Variants in CCDC85A observed in about 807,000 individuals in gnomAD.
CCDC85A encodes the protein coiled-coil domain-containing protein 85A.
A neutral mutation model predicts 50.2 loss-of-function variants in CCDC85A; 38 were observed. That is an observed-to-expected ratio of 0.76 (90% CI 0.58 to 0.99). CCDC85A has a LOEUF of 0.99. Ranked by LOEUF, CCDC85A falls within the 50% of genes least tolerant of loss-of-function variation. CCDC85A has a pLI of 0.00. For missense variants in CCDC85A, 820 were observed against 742.0 expected, an observed-to-expected ratio of 1.11 and a Z score of -1.22; for synonymous variants, 366 against 301.4, an observed-to-expected ratio of 1.21 and a Z score of -2.22.
chr2:56,358,741 A>G (rs1048465414), intron 3 of CCDC85A, among the ~76,000 whole-genome samples: 3 of 151,930 alleles, frequency 2.0e-5, no homozygotes, highest in Non-Finnish European at 4.4e-5. Context: ...AAAATAATTT[A>G]TTCATCCATG....
intron 3 of CCDC85A, among the ~76,000 whole-genome samples, chr2:56,360,141 AAAAAT>A (rs1185166306): frequency 1.3e-5 from 2 of 152,242 alleles, no homozygotes; most frequent in Non-Finnish European, 2.9e-5. Context: ...TTGGTCAATT[AAAAAT>A]AAAATAAACT....
chr2:56,355,865 G>C (rs1025242600), intron 3 of CCDC85A, among the ~76,000 whole-genome samples: 12 of 152,160 alleles, frequency 7.9e-5, no homozygotes, highest in Non-Finnish European at 1.3e-4. Flanking sequence ...TGCAAGGCAG[G>C]AGTTCTAATA....
chr2:56,308,884 A>G (rs1030884520), intron 2 of CCDC85A, among the ~76,000 whole-genome samples: 1 of 152,104 alleles, frequency 6.6e-6, no homozygotes, highest in African/African-American at 2.4e-5. Context: ...GGATGAAGAG[A>G]AGAGAAGGTG....
intron 2 of CCDC85A, among the ~76,000 whole-genome samples, chr2:56,218,031 A>ACCTTGTCT (rs1300908879): frequency 6.6e-6 from 1 of 151,882 alleles, no homozygotes; most frequent in East Asian, 1.9e-4. Flanking sequence ...GACATATGGT[A>ACCTTGTCT]CCTTGTCTGA....
chr2:56,275,536 C>CT (rs1004282296), intron 2 of CCDC85A, among the ~76,000 whole-genome samples: 1 of 152,096 alleles, frequency 6.6e-6, no homozygotes, highest in Admixed American at 6.5e-5. Context: ...TAAATTTTCA[C>CT]TTTTTCGCTG....
At chr2:56,340,042 A>T (rs1055971056) in intron 2 of CCDC85A, among the ~76,000 whole-genome samples, 1 of 152,134 alleles carries the variant, frequency 6.6e-6, no homozygotes, top group Non-Finnish European at 1.5e-5. Context: ...CTCAAAGCTA[A>T]TTGTCTCCAA....
Position 56,342,968 on chromosome 2 carries a change from C to T in CCDC85A, c.1317+13C>T, listed in dbSNP as rs1383095232. The T allele has an allele frequency of 6.4e-7, 1 of 1,571,774 alleles. No homozygotes were observed. Among genetic ancestry groups the T allele is most frequent in the Admixed American group, 1.8e-5 (1 of 55,584 alleles). ...CATGCTGCCCCAGGTGGGTGACTTC[C>T]AGAAGCTCATAGCTAGTCAGTGCCA... On this transcript the variant is annotated intron_variant, in intron 3 of 5. Transcript: ENST00000407595.
chr2:56,272,365 G>A (rs894607276), intron 2 of CCDC85A, among the ~76,000 whole-genome samples: 3 of 152,104 alleles, frequency 2.0e-5, no homozygotes, highest in East Asian at 1.9e-4. Context: ...AACTCCTAAC[G>A]GTCTTATAAG....
intron 2 of CCDC85A, among the ~76,000 whole-genome samples, chr2:56,264,450 A>C (rs1054685490): frequency 6.6e-6 from 1 of 152,108 alleles, no homozygotes; most frequent in African/African-American, 2.4e-5. Context: ...CATCTTGTCT[A>C]TTTCATACCC....
At chr2:56,311,305 T>G (rs1167662480) in intron 2 of CCDC85A, among the ~76,000 whole-genome samples, 1 of 152,128 alleles carries the variant, frequency 6.6e-6, no homozygotes, top group African/African-American at 2.4e-5. Context: ...ATTCATGACA[T>G]TCCTCAGGTC....
At chr2:56,226,048 T>C (rs2103921447) in intron 2 of CCDC85A, among the ~76,000 whole-genome samples, 1 of 152,332 alleles carries the variant, frequency 6.6e-6, no homozygotes. Context: ...TGCATAGAAC[T>C]GAACACAGTT....
intron 2 of CCDC85A, among the ~76,000 whole-genome samples, chr2:56,260,221 C>T (rs1018427340): frequency 2.8e-4 from 42 of 151,996 alleles, no homozygotes; most frequent in Admixed American, 2.2e-3. Context: ...GAAAATGGAC[C>T]AAAAAATAGA....
chr2:56,200,499 C>T (rs932262627), intron 2 of CCDC85A, among the ~76,000 whole-genome samples: 1 of 152,162 alleles, frequency 6.6e-6, no homozygotes, highest in Non-Finnish European at 1.5e-5. Flanking sequence ...TTATAAGTCT[C>T]TAATCTGCAA....
chr2:56,231,509 G>A (rs902208687), intron 2 of CCDC85A, among the ~76,000 whole-genome samples: 1 of 152,112 alleles, frequency 6.6e-6, no homozygotes, highest in African/African-American at 2.4e-5. Flanking sequence ...GGCAATACAG[G>A]AGGCCTTATA....
rs1053528480 is a variant in CCDC85A, at chr2:56,198,119, G to T, written c.1240+4679G>T. 1.4e-4 allele frequency among the ~76,000 whole-genome samples: 22 copies of T among 152,302 alleles called. 1 individual carries two copies. Among genetic ancestry groups the T allele is most frequent in the African/African-American group, 5.3e-4 (22 of 41,570 alleles). On this transcript the variant is annotated intron_variant, in intron 2 of 5. Coordinates refer to ENST00000407595, the MANE Select transcript of CCDC85A (RefSeq NM_001080433.2). ...ACGAAAAATGTTGATAACACAAAGT[G>T]GCCTTGTCTATGAGGGGTCAGATAA...
At chr2:56,228,669 A>G (rs944239376) in intron 2 of CCDC85A, among the ~76,000 whole-genome samples, 2 of 152,022 alleles carry the variant, frequency 1.3e-5, no homozygotes, top group Admixed American at 1.3e-4. Context: ...AGTAGCTGGG[A>G]CTACAGGGGC....
Position 56,255,888 on chromosome 2 carries a change from C to T in CCDC85A, c.1240+62448C>T, listed in dbSNP as rs1669964609. ...AGAAGAGACAAGAGTGGAAGAAATA[C>T]AGGGTTAACATTGGTAACAAGGAGT... On this transcript the variant is annotated intron_variant, in intron 2 of 5. Coordinates refer to ENST00000407595, the MANE Select transcript of CCDC85A (RefSeq NM_001080433.2). Among the ~76,000 whole-genome samples, 4 of 152,050 alleles carry T rather than the reference C, an allele frequency of 2.6e-5. No homozygotes were observed. In the South Asian group the frequency reaches 8.3e-4, roughly 32 times the overall value.
intron 2 of CCDC85A, among the ~76,000 whole-genome samples, chr2:56,210,893 A>G (rs1677156872): frequency 6.6e-6 from 1 of 152,036 alleles, no homozygotes; most frequent in African/African-American, 2.4e-5. Context: ...GCCGATCAAG[A>G]TGCAAGCAGA....
At chr2:56,217,389 T>G (rs2103896122) in intron 2 of CCDC85A, among the ~76,000 whole-genome samples, 1 of 152,030 alleles carries the variant, frequency 6.6e-6, no homozygotes, top group East Asian at 1.9e-4. Context: ...TGCTTCACAG[T>G]TTGCATTTTG....
Sources: allele counts gnomAD v4.1 joint callset (sites outside exome capture counted in the v4.1 genomes callset), GRCh38; gene constraint gnomAD v4.1.1; transcripts MANE v1.5; gene names NCBI Gene and HGNC (gene_info 2026-07-23, HGNC 2026-07-21).